Variants in INTS14 observed in about 807,000 individuals in gnomAD.
INTS14 encodes the protein integrator complex subunit 14, also known as UPF0464 protein C15orf44.
Under a neutral mutation model 56.9 loss-of-function variants are expected in INTS14, and 27 were observed. The ratio of observed to expected loss-of-function variants is 0.47; its 90% CI spans 0.35 to 0.65. The LOEUF is 0.65. Ranked by LOEUF, INTS14 falls within the 30% of genes least tolerant of loss-of-function variation. The pLI, the probability that INTS14 is intolerant of heterozygous loss-of-function variation, is 0.00. For synonymous variants in INTS14, 207 were observed against 236.2 expected (o/e 0.88, Z 1.13); for missense variants, 517 against 632.2 (o/e 0.82, Z 1.95).
Position 65,591,655 on chromosome 15 carries a change from G to T in INTS14, c.1063C>A (p.Pro355Thr). The change falls in exon 9 of 12, where the codon CCT becomes ACT. Residue 355 changes from proline to threonine, a missense_variant. By Grantham distance (38) the Pro-to-Thr change is conservative. Transcript: ENST00000313182. ...KSNLMMSLFE[P>T]GPEPLPWLGK... The stretch of plus-strand genomic sequence containing the variant: ...AGCCATGGGAGAGGTTCTGGGCCAG[G>T]CTCAAAGAGAGACATCATGAGGTTT... The T allele has an allele frequency of 6.2e-7, 1 of 1,614,176 alleles. No homozygotes were observed. Among genetic ancestry groups the T allele is most frequent in the Non-Finnish European group, 8.5e-7 (1 of 1,180,016 alleles).
intron 9 of INTS14, chr15:65,586,283 T>C (rs536440365): frequency 7.9e-5 from 12 of 152,322 alleles, no homozygotes; most frequent in Admixed American, 3.9e-4. Context: ...GAAGATGTTA[T>C]TAGTCCCATT....
At position 65,579,356 on chromosome 15, in the gene INTS14, T is replaced by C; in HGVS notation, c.*52A>G. ...TGAACATACTGGAAAGGTTTTTACC[T>C]AAAGCATTTTCAGTTGAAATGAAAA... On this transcript the variant is annotated 3_prime_UTR_variant, in exon 12 of 12. Transcript: ENST00000313182. 1 of 1,586,080 alleles carries C rather than the reference T, an allele frequency of 6.3e-7. No homozygotes were observed. The highest frequency in any genetic ancestry group is 8.6e-7 in the Non-Finnish European group (1 of 1,162,300).
At chr15:65,610,473 C>G (rs2073869107) in intron 1 of INTS14, among the ~76,000 whole-genome samples, 1 of 151,570 alleles carries the variant, frequency 6.6e-6, no homozygotes, top group Non-Finnish European at 1.5e-5. Flanking sequence ...ACCCCCTTCC[C>G]ACGTGTACTG....
At chr15:65,605,532 T>A (rs1379531036) in intron 2 of INTS14, among the ~76,000 whole-genome samples, 1 of 152,158 alleles carries the variant, frequency 6.6e-6, no homozygotes, top group Non-Finnish European at 1.5e-5. Context: ...TTTAAACACA[T>A]CACAAAAATA....
intron 8 of INTS14, among the ~76,000 whole-genome samples, chr15:65,592,489 G>T (rs2073064794): frequency 6.6e-6 from 1 of 152,178 alleles, no homozygotes. Flanking sequence ...CACAGGGAAG[G>T]AACACAGCAG....
At chr15:65,586,925 A>T (rs2072847550) in intron 9 of INTS14, 1 of 152,216 alleles carries the variant, frequency 6.6e-6, no homozygotes, top group Non-Finnish European at 1.5e-5. Context: ...CAATGAAGAG[A>T]CCAACATTCT....
intron 8 of INTS14, among the ~76,000 whole-genome samples, 164 bp from the exon 9 acceptor site, chr15:65,591,895 C>T (rs2073047143): frequency 6.6e-6 from 1 of 152,222 alleles, no homozygotes; most frequent in South Asian, 2.1e-4. Flanking sequence ...ATGCATACTG[C>T]TGTCCCCTAA....
At chr15:65,604,459 A>G (rs886858963) in intron 3 of INTS14, among the ~76,000 whole-genome samples, 6 of 152,164 alleles carry the variant, frequency 3.9e-5, no homozygotes, top group East Asian at 1.9e-4. Context: ...AGCTGGGCAC[A>G]GTGGCTCACC....
rs1292169786 is a variant in INTS14, at chr15:65,579,180, C to T, written c.*228G>A. 2 of 541,774 alleles carry T rather than the reference C, an allele frequency of 3.7e-6. No homozygotes were observed. The highest frequency in any genetic ancestry group is 6.4e-6 in the Non-Finnish European group (2 of 314,596). 33.6% of individuals were successfully genotyped at this position (541,774 alleles called of 1,614,324 possible). A position where few individuals can be genotyped will look rare whatever the true frequency, so the allele number is the denominator to read the frequency against. On this transcript the variant is annotated 3_prime_UTR_variant, in exon 12 of 12. Coordinates refer to ENST00000313182, the MANE Select transcript of INTS14 (RefSeq NM_001394796.1). Reference sequence around the variant, plus strand: ...TGCCCATCATGGGAACAGCAGCTATCTTCCAAGCTTAAAAATTATGAATCC... The same window carrying T: ...TGCCCATCATGGGAACAGCAGCTATTTTCCAAGCTTAAAAATTATGAATCC...
At chr15:65,583,492 A>G (rs1199072217) in intron 10 of INTS14, among the ~76,000 whole-genome samples, 1 of 152,184 alleles carries the variant, frequency 6.6e-6, no homozygotes, top group East Asian at 1.9e-4. Context: ...AAGTCCATAG[A>G]GACAGAAAGA....
intron 9 of INTS14, among the ~76,000 whole-genome samples, chr15:65,588,872 T>C (rs1175665944): frequency 1.3e-5 from 2 of 152,206 alleles, no homozygotes; most frequent in African/African-American, 4.8e-5. Context: ...CCAAGACTGC[T>C]GTGAGAGTTA....
At chr15:65,581,547 C>CAAAAAA (rs57782914) in intron 11 of INTS14, among the ~76,000 whole-genome samples, 47 of 47,770 alleles carry the variant, frequency 9.8e-4, no homozygotes, top group African/African-American at 3.5e-3. Flanking sequence ...GACTCCATCT[C>CAAAAAA]AAAAAAAAAA....
At chr15:65,610,612 C>G in intron 1 of INTS14, 1 of 1,467,310 alleles carries the variant, frequency 6.8e-7, no homozygotes, top group Non-Finnish European at 9.2e-7. Flanking sequence ...TGATAATTAG[C>G]TCATTCATAA....
Position 65,598,474 on chromosome 15 carries a change from ATAAT to A in INTS14, c.606-15_606-12del. 1 of 1,611,942 alleles carries A rather than the reference ATAAT, an allele frequency of 6.2e-7. No individual in the cohort carries two copies. The highest frequency in any genetic ancestry group is 8.5e-7 in the Non-Finnish European group (1 of 1,178,536). On this transcript the variant is annotated splice_polypyrimidine_tract_variant and intron_variant, in intron 5 of 11. Coordinates refer to ENST00000313182, the MANE Select transcript of INTS14 (RefSeq NM_001394796.1). ...AAATCTATCAGTTTTCTAGAATATG[ATAAT>A]TAATAGTTATAGGAAGAGTAATACG...
chr15:65,600,838 T>C (rs2073407026), intron 3 of INTS14, among the ~76,000 whole-genome samples: 1 of 152,154 alleles, frequency 6.6e-6, no homozygotes, highest in Non-Finnish European at 1.5e-5. Flanking sequence ...TTTCATCTAA[T>C]AAAATATTTT....
chr15:65,597,595 C>G (rs2073261198), intron 6 of INTS14, among the ~76,000 whole-genome samples: 1 of 152,124 alleles, frequency 6.6e-6, no homozygotes, highest in Non-Finnish European at 1.5e-5. Flanking sequence ...AGCAGCAGTG[C>G]TAGAAGAGTA....
intron 9 of INTS14, among the ~76,000 whole-genome samples, chr15:65,588,948 T>C (rs1282288350): frequency 6.6e-6 from 1 of 152,216 alleles, no homozygotes. Context: ...ATTATAATAT[T>C]AGCTATTATT....
At chr15:65,588,492 A>G (rs759589099) in intron 9 of INTS14, among the ~76,000 whole-genome samples, 2 of 151,530 alleles carry the variant, frequency 1.3e-5, no homozygotes, top group Non-Finnish European at 2.9e-5. Flanking sequence ...ACATGATGAA[A>G]CCCTATCTCT....
At position 65,591,604 on chromosome 15, in the gene INTS14, T is replaced by C; in HGVS notation, c.1114A>G (p.Ile372Val). 4.3e-6 allele frequency: 7 copies of C among 1,613,756 alleles called. No homozygotes were observed. The highest frequency in any genetic ancestry group is 1.3e-5 in the African/African-American group (1 of 75,008). ...AATCTGATCTGGATTATACCTGAAA[T>C]AGGACCCAACTGTGCCATTTTCCCT... The part of the protein sequence containing the change: ...WLGKMAQLGP[I>V]SDAKENPYGE... Residue 372 changes from isoleucine to valine, a missense_variant, in exon 9 of 12, where the codon ATT (isoleucine) becomes GTT (valine). By Grantham distance (29) the Ile-to-Val change is conservative (BLOSUM62 3). Coordinates refer to ENST00000313182, the MANE Select transcript of INTS14 (RefSeq NM_001394796.1).
Sources: gnomAD v4.1 joint callset for allele counts (sites outside exome capture counted in the v4.1 genomes callset) on GRCh38, gnomAD v4.1.1 for gene constraint, MANE v1.5 for transcripts, NCBI Gene and HGNC (gene_info 2026-07-23, HGNC 2026-07-21) for gene names.